The following SLC6A18 variants were observed in gnomAD, a reference collection of about 807,000 sequenced individuals.
SLC6A18 encodes solute carrier family 6 member 18, also known as inactive sodium-dependent neutral amino acid transporter B(0)AT3.
In SLC6A18, 58 loss-of-function variants were observed where a neutral mutation model predicts 62.9. The ratio of observed to expected loss-of-function variants is 0.92; its 90% CI spans 0.75 to 1.15. The LOEUF (loss-of-function observed/expected upper bound fraction) is 1.15. SLC6A18 is among the 50% of genes most tolerant of loss of function. The pLI is 0.00. For missense variants in SLC6A18, 793 were observed against 836.6 expected (o/e 0.95, Z 0.64); for synonymous variants, 382 against 365.8 (o/e 1.04, Z -0.51).
At chr5:1,240,257 C>G (rs1415531727) in intron 6 of SLC6A18, among the ~76,000 whole-genome samples, 1 of 152,286 alleles carries the variant, frequency 6.6e-6, no homozygotes, top group African/African-American at 2.4e-5. Flanking sequence ...AATGCCCTGC[C>G]TCTCAGCTCC....
At chr5:1,244,991 G>A (rs999401227) in intron 11 of SLC6A18, among the ~76,000 whole-genome samples, 2 of 152,208 alleles carry the variant, frequency 1.3e-5, no homozygotes, top group African/African-American at 4.8e-5. Flanking sequence ...TGGCATGGGG[G>A]TGACCATGGG....
intron 8 of SLC6A18, 95 bp downstream of exon 8, chr5:1,242,958 T>C: frequency 7.2e-7 from 1 of 1,381,846 alleles, no homozygotes. Flanking sequence ...CTGCAAACAA[T>C]TCCCACAGAC....
Position 1,235,758 on chromosome 5 carries a change from T to C in SLC6A18, c.621+96T>C, listed in dbSNP as rs539620974. ...TGTTCGCTTTGTGTCTACAAGCTCTTGCGAGGGGCATAAACATCTAGGATT... is the reference window on the plus strand; with the variant it reads ...TGTTCGCTTTGTGTCTACAAGCTCTCGCGAGGGGCATAAACATCTAGGATT... On this transcript the variant is annotated intron_variant, in intron 4 of 11. Transcript: ENST00000324642. 21 of 1,261,302 alleles carry C rather than the reference T, an allele frequency of 1.7e-5. No homozygotes were observed. In the Middle Eastern group the frequency reaches 7.7e-4, roughly 46 times the overall value. The allele number at this position is 1,261,302 out of a possible 1,614,324, so 78.1% of individuals were successfully genotyped here. A position where few individuals can be genotyped will look rare whatever the true frequency, so the allele number is the denominator to read the frequency against.
At chr5:1,242,929 T>A in intron 8 of SLC6A18, 66 bp downstream of exon 8, 1 of 1,483,906 alleles carries the variant, frequency 6.7e-7, no homozygotes, top group Non-Finnish European at 9.1e-7. Context: ...CCGCACTGGC[T>A]GTGTCCCACT....
In SLC6A18 at chr5:1,245,968, C is replaced by T. The variant is rs200760100; in HGVS notation, c.1777C>T (p.Arg593Trp). The change falls in exon 12 of 12, where the codon CGG becomes TGG. Residue 593 changes from arginine to tryptophan, a missense_variant. By Grantham distance (101) the Arg-to-Trp change is moderately radical (BLOSUM62 -3). Coordinates refer to ENST00000324642, the MANE Select transcript of SLC6A18 (RefSeq NM_182632.3). ...GGCCGCGCTTGCTCAGCTGCTCACC[C>T]GGCGGAGGCGGACGTGGAGGGACAG... ...PVAALAQLLT[R>W]RRRTWRDRDA... 3.1e-6 allele frequency: 5 copies of T among 1,600,878 alleles called. No individual in the cohort carries two copies. Among genetic ancestry groups the T allele is most frequent in the African/African-American group, 2.7e-5 (2 of 74,996 alleles).
In SLC6A18 at chr5:1,234,856, T is replaced by G. The variant is rs567734367; in HGVS notation, c.440-625T>G. Among the ~76,000 whole-genome samples the G allele has an allele frequency of 2.0e-5, 3 of 152,340 alleles. No individual in the cohort carries two copies. In the East Asian group the frequency reaches 5.8e-4, roughly 29 times the overall value. On this transcript the variant is annotated intron_variant, in intron 3 of 11. Transcript: ENST00000324642. ...GGGAGGAGCCCTGTGGCATGGGCAGTGGCCCGGTCGGGATACCGGTAATCC... is the reference window on the plus strand; with the variant it reads ...GGGAGGAGCCCTGTGGCATGGGCAGGGGCCCGGTCGGGATACCGGTAATCC...
At chr5:1,228,789 G>A (rs1040661209) in intron 1 of SLC6A18, among the ~76,000 whole-genome samples, 7 of 152,354 alleles carry the variant, frequency 4.6e-5, no homozygotes, top group South Asian at 4.1e-4. Flanking sequence ...GAAGGATGGC[G>A]TGAGCCTGGG....
intron 1 of SLC6A18, among the ~76,000 whole-genome samples, chr5:1,227,702 C>T (rs1181112382): frequency 6.6e-6 from 1 of 152,228 alleles, no homozygotes; most frequent in African/African-American, 2.4e-5. Context: ...AACATTGTAA[C>T]AGAATGTAGC....
At chr5:1,229,419 G>A (rs147462157) in intron 1 of SLC6A18, among the ~76,000 whole-genome samples, 1,825 of 152,158 alleles carry the variant, frequency 0.012, 36 homozygotes, top group African/African-American at 0.042. Context: ...CTTTCCCTTC[G>A]ATGATCTTGT....
intron 1 of SLC6A18, among the ~76,000 whole-genome samples, chr5:1,230,987 G>A (rs1561175095): frequency 6.6e-6 from 1 of 152,176 alleles, no homozygotes; most frequent in Non-Finnish European, 1.5e-5. Context: ...GCAGACACAG[G>A]GGCCTCTTCA....
chr5:1,233,997 T>C (rs1746818130), intron 3 of SLC6A18, among the ~76,000 whole-genome samples: 1 of 152,134 alleles, frequency 6.6e-6, no homozygotes, highest in Non-Finnish European at 1.5e-5. Context: ...TGCCTCGGCC[T>C]CCCAAAGTGC....
intron 11 of SLC6A18, among the ~76,000 whole-genome samples, chr5:1,245,599 C>T (rs993781802): frequency 4.6e-5 from 7 of 152,228 alleles, no homozygotes; most frequent in African/African-American, 1.7e-4. Flanking sequence ...GGTTCCAGAA[C>T]ACAACACCTA....
rs751713583 is a variant in SLC6A18, at chr5:1,232,889, G to A, written c.439+1G>A. 1 of 1,608,706 alleles carries A rather than the reference G, an allele frequency of 6.2e-7. No homozygotes were observed. The highest frequency in any genetic ancestry group is 1.1e-5 in the South Asian group (1 of 90,570). ...TGCCCACCGGACCTCAACAGAACAG[G>A]TGAGCTGGGCGCCGCCTGCTGTGTG... On this transcript the variant is annotated splice_donor_variant, in intron 3 of 11. Transcript: ENST00000324642. LOFTEE classifies it high-confidence loss of function.
intron 5 of SLC6A18, among the ~76,000 whole-genome samples, chr5:1,238,848 C>A (rs1746970581): frequency 6.6e-6 from 1 of 152,178 alleles, no homozygotes; most frequent in Non-Finnish European, 1.5e-5. Flanking sequence ...CTGCATGCAC[C>A]CCATTGGGAA....
chr5:1,230,164 G>A (rs1293596090), intron 1 of SLC6A18, among the ~76,000 whole-genome samples: 1 of 150,858 alleles, frequency 6.6e-6, no homozygotes, highest in African/African-American at 2.4e-5. Context: ...TGGTCGTGGG[G>A]GAGGGAAGAG....
chr5:1,245,318 C>T (rs1333010020), intron 11 of SLC6A18, among the ~76,000 whole-genome samples: 1 of 152,166 alleles, frequency 6.6e-6, no homozygotes, highest in Non-Finnish European at 1.5e-5. Flanking sequence ...CAGCCCCTGA[C>T]ATACCATCTG....
chr5:1,242,595 G>A (rs1293648637), intron 7 of SLC6A18, 112 bp from the exon 8 acceptor site: 1 of 1,436,538 alleles, frequency 7.0e-7, no homozygotes, highest in Non-Finnish European at 9.3e-7. Flanking sequence ...AACAGGGGCA[G>A]GAGGGGCCCA....
In SLC6A18 at chr5:1,233,039, G is replaced by T. The variant is rs1042605892; in HGVS notation, c.439+151G>T. On this transcript the variant is annotated intron_variant, in intron 3 of 11. Coordinates refer to ENST00000324642, the MANE Select transcript of SLC6A18 (RefSeq NM_182632.3). ...GGTTGCTCTGTGTGCACATGCACGC[G>T]CCTCGGTCTCCCCAGGAGCACACGT... 20 of 1,150,614 alleles carry T rather than the reference G, an allele frequency of 1.7e-5. No individual in the cohort carries two copies. In the African/African-American group the frequency reaches 1.9e-4, roughly 11 times the overall value. The allele number at this position is 1,150,614 out of a possible 1,614,324, so 71.3% of individuals were successfully genotyped here. A position where few individuals can be genotyped will look rare whatever the true frequency, so the allele number is the denominator to read the frequency against.
chr5:1,241,167 C>T lies in SLC6A18; in HGVS notation c.974+508C>T, dbSNP rs1054940329. Among the ~76,000 whole-genome samples the T allele has an allele frequency of 2.6e-5, 4 of 152,208 alleles. No homozygotes were observed. The highest frequency in any genetic ancestry group is 1.9e-4 in the East Asian group (1 of 5,196). ...AGGCACCATTGCTGGTCGTTTGCTG[C>T]GGTGGTCCCAGGACCTGATGCAGTT... On this transcript the variant is annotated intron_variant, in intron 7 of 11. Coordinates refer to ENST00000324642, the MANE Select transcript of SLC6A18 (RefSeq NM_182632.3). This position sits in a 1 kb window ranked among gnomAD's most constrained non-coding sequence, Gnocchi z 7.8.
Sources: gnomAD v4.1 joint callset for allele counts (sites outside exome capture counted in the v4.1 genomes callset) on GRCh38, gnomAD v4.1.1 for gene constraint, Gnocchi (gnomAD v3.1) non-coding constraint, MANE v1.5 for transcripts, NCBI Gene and HGNC (gene_info 2026-07-23, HGNC 2026-07-21) for gene names.